KIF5B: variants seen among roughly 807,000 people sequenced by gnomAD.
The protein encoded by KIF5B is kinesin family member 5B, also known as kinesin-1 heavy chain.
KIF5B carries 49 observed loss-of-function variants against 132.8 expected under a neutral mutation model. That is an observed-to-expected ratio of 0.37 (90% confidence interval 0.29 to 0.47). The LOEUF (loss-of-function observed/expected upper bound fraction) is 0.47. KIF5B is among the 20% of genes least tolerant of loss of function. The probability of loss-of-function intolerance (pLI) is 1.00; values close to 1 mark genes in which losing one functional copy is unlikely to be tolerated. For synonymous variants in KIF5B, 355 were observed against 369.4 expected (o/e 0.96, Z 0.45); for missense variants, 780 against 1,144.0 (o/e 0.68, Z 4.59).
At chr10:32,048,621 CCAT>C in intron 1 of KIF5B, 70 bp from the exon 2 acceptor site, 2 of 1,053,414 alleles carry the variant, frequency 1.9e-6, no homozygotes, top group Non-Finnish European at 2.9e-6. Flanking sequence ...TTTACAGATG[CCAT>C]CATATAATAT....
At chr10:32,013,048 T>C (rs893894350) in intron 25 of KIF5B, among the ~76,000 whole-genome samples, 4 of 151,936 alleles carry the variant, frequency 2.6e-5, no homozygotes, top group African/African-American at 9.7e-5. Context: ...ATTACAGGCA[T>C]GTGCCACCAC....
intron 25 of KIF5B, among the ~76,000 whole-genome samples, chr10:32,012,632 G>A (rs541946024): frequency 1.3e-5 from 2 of 152,236 alleles, no homozygotes; most frequent in Admixed American, 1.3e-4. Flanking sequence ...ACCTAGTTTG[G>A]CTGGGTTAGC....
In KIF5B at chr10:32,024,534, C is replaced by G. The variant is rs556182958; in HGVS notation, c.1726-1498G>C. On this transcript the variant is annotated intron_variant, in intron 15 of 25. Transcript: ENST00000302418. ...ATCCCAGCAATTTGGGAGGCTGACG[C>G]GGGCAGATCACCTGAGGTCAGGAGT... Among the ~76,000 whole-genome samples, 32 of 151,526 alleles carry G rather than the reference C, an allele frequency of 2.1e-4. No homozygotes were observed. The East Asian group carries it at 6.2e-3, about 30-fold the overall frequency.
chr10:32,032,498 GA>G (rs1841414595), intron 13 of KIF5B, among the ~76,000 whole-genome samples: 2 of 151,772 alleles, frequency 1.3e-5, no homozygotes, highest in South Asian at 2.1e-4. Flanking sequence ...GAACCAGGGT[GA>G]AAAAAAAGAT....
intron 6 of KIF5B, 149 bp from the exon 7 acceptor site, chr10:32,037,756 C>G: frequency 3.2e-6 from 2 of 619,328 alleles, no homozygotes; most frequent in South Asian, 3.9e-5. Flanking sequence ...TCGCTTGAGC[C>G]TGGGAGGCAA....
chr10:32,053,421 TAAAA>T (rs34885039), intron 1 of KIF5B, among the ~76,000 whole-genome samples: 2 of 135,862 alleles, frequency 1.5e-5, no homozygotes, highest in Non-Finnish European at 1.6e-5. Flanking sequence ...GGTTACACGT[TAAAA>T]AAAAAAAAAA....
At chr10:32,022,365 T>TA in intron 16 of KIF5B, 108 bp from the exon 17 acceptor site, 1 of 620,418 alleles carries the variant, frequency 1.6e-6, no homozygotes, top group Admixed American at 2.8e-5. Flanking sequence ...TGGGAATATT[T>TA]AAAACTAAAA....
rs375558906 is a variant in KIF5B, at chr10:32,019,890, A to C, written c.2274T>G (p.Asp758Glu). 18 of 1,611,698 alleles carry C rather than the reference A, an allele frequency of 1.1e-5. No homozygotes were observed. In the African/African-American group the frequency reaches 2.0e-4, roughly 18 times the overall value. Residue 758 changes from aspartate (D) to glutamate (E), a missense_variant, in exon 20 of 26, where the codon GAT becomes GAG. Transcript: ENST00000302418. ...CATGTAGTTTTCTGCTCTTTTCCTG[A>C]TCTGTGGCTTTCAACTTCTCATGTT... ...RVEHEKLKATDQEKSRKLHEL... is the reference protein window; with the variant it reads ...RVEHEKLKATEQEKSRKLHEL...
chr10:32,017,560 T>C (rs1469702905), intron 23 of KIF5B, among the ~76,000 whole-genome samples: 5 of 152,218 alleles, frequency 3.3e-5, no homozygotes, highest in African/African-American at 4.8e-5. Flanking sequence ...AAAGGTATAA[T>C]TTCCTTTAAT....
chr10:32,036,942 G>A (rs569525875), intron 8 of KIF5B, among the ~76,000 whole-genome samples: 25 of 151,980 alleles, frequency 1.6e-4, no homozygotes, highest in African/African-American at 2.4e-4. Context: ...GATAAAATAC[G>A]TATCAAAAAT....
chr10:32,017,001 C>G, intron 24 of KIF5B, 142 bp downstream of exon 24: 1 of 717,174 alleles, frequency 1.4e-6, no homozygotes, highest in Non-Finnish European at 2.4e-6. Flanking sequence ...GATTATTCCT[C>G]TTTCCCAACA....
chr10:32,033,960 G>A lies in KIF5B; in HGVS notation c.1190C>T (p.Thr397Ile). 3.1e-6 allele frequency: 5 copies of A among 1,611,562 alleles called. No homozygotes were observed. Among genetic ancestry groups the A allele is most frequent in the South Asian group, 1.1e-5 (1 of 90,856 alleles). Reference protein sequence around the residue: ...LEAFTVDKDITLTNDKPATAI... With the variant: ...LEAFTVDKDIILTNDKPATAI... ...GGTTGCTGGTTTATCATTGGTAAGAGTAATATCTTTATCCACTGTGAAAGC... is the reference window on the plus strand; with the variant it reads ...GGTTGCTGGTTTATCATTGGTAAGAATAATATCTTTATCCACTGTGAAAGC... Residue 397 changes from threonine to isoleucine, a missense_variant, in exon 12 of 26, where the codon ACT becomes ATT. Thr to Ile is a moderately conservative substitution (Grantham distance 89). Coordinates refer to ENST00000302418, the MANE Select transcript of KIF5B (RefSeq NM_004521.3).
In KIF5B at chr10:32,035,653, A is replaced by G. The variant is rs749087068; in HGVS notation, c.831T>C (p.Tyr277=). Residue 277 remains tyrosine, a synonymous_variant, in exon 10 of 26, where the codon TAT becomes TAC. Coordinates refer to ENST00000302418, the MANE Select transcript of KIF5B (RefSeq NM_004521.3). Reference sequence around the variant, plus strand: ...GGATTCTTGTCATTTTACTATCTCGATATGGAACATATGTCTGCATACAAA... The same window carrying G: ...GGATTCTTGTCATTTTACTATCTCGGTATGGAACATATGTCTGCATACAAA... ...ALAEGSTYVP[Y]RDSKMTRILQ... 5 of 1,607,596 alleles carry G rather than the reference A, an allele frequency of 3.1e-6. No homozygotes were observed. The South Asian group carries it at 5.6e-5, about 18-fold the overall frequency.
chr10:32,018,616 T>A, intron 20 of KIF5B, 54 bp from the exon 21 acceptor site: 1 of 1,286,060 alleles, frequency 7.8e-7, no homozygotes, highest in Admixed American at 2.0e-5. Flanking sequence ...TATATTGTAC[T>A]TAGCATGAGA....
rs1841181883 is a variant in KIF5B, at chr10:32,017,131, T to C, written c.2761+12A>G. On this transcript the variant is annotated intron_variant, in intron 24 of 25. Transcript: ENST00000302418. ...TGAGCAAGGTTTAAAGGTTTTAATGTGTTCTACTAACCAATCTGTGCAGAA... is the reference window on the plus strand; with the variant it reads ...TGAGCAAGGTTTAAAGGTTTTAATGCGTTCTACTAACCAATCTGTGCAGAA... 6.2e-7 allele frequency: 1 copy of C among 1,603,742 alleles called. No homozygotes were observed. The highest frequency in any genetic ancestry group is 8.5e-7 in the Non-Finnish European group (1 of 1,170,538).
chr10:32,048,556 AAAAC>A lies in KIF5B; in HGVS notation c.127-9_127-6del. Reference sequence around the variant, plus strand: ...ATCAAATGCATAAGGCTTGGACTGAAAAACAAAAAAGTGTTTCAACTATACAAAT... The same window carrying A: ...ATCAAATGCATAAGGCTTGGACTGAAAAAAAAGTGTTTCAACTATACAAAT... On this transcript the variant is annotated splice_polypyrimidine_tract_variant and splice_region_variant and intron_variant, in intron 1 of 25. Coordinates refer to ENST00000302418, the MANE Select transcript of KIF5B (RefSeq NM_004521.3). 6.2e-7 allele frequency: 1 copy of A among 1,608,892 alleles called. No individual in the cohort carries two copies. Among genetic ancestry groups the A allele is most frequent in the Non-Finnish European group, 8.5e-7 (1 of 1,176,928 alleles).
chr10:32,048,695 TAGA>T, intron 1 of KIF5B, 144 bp from the exon 2 acceptor site: 1 of 567,510 alleles, frequency 1.8e-6, no homozygotes, highest in South Asian at 2.3e-5. Flanking sequence ...ATCTTTGAAG[TAGA>T]AGGGATCACC....
At chr10:32,036,098 A>G (rs1841457206) in intron 8 of KIF5B, 104 bp from the exon 9 acceptor site, 1 of 628,296 alleles carries the variant, frequency 1.6e-6, no homozygotes, top group African/African-American at 1.9e-5. Context: ...AAAAAAGAAA[A>G]AAGAACATGA....
chr10:32,032,716 T>G lies in KIF5B; in HGVS notation c.1364A>C (p.Asp455Ala), dbSNP rs1328708490. Residue 455 changes from aspartate to alanine, a missense_variant, in exon 13 of 26, where the codon GAT becomes GCT. Coordinates refer to ENST00000302418, the MANE Select transcript of KIF5B (RefSeq NM_004521.3). ...AGGTATTCAACTCACCTCCTCCTGA[T>G]CCAACATTTGCGTCTTCAGTTTCTC... ...LVEKLKTQML[D>A]QEELLASTRR... The G allele has an allele frequency of 6.2e-7, 1 of 1,613,616 alleles. No individual in the cohort carries two copies. The highest frequency in any genetic ancestry group is 8.5e-7 in the Non-Finnish European group (1 of 1,179,538).
Sources: allele counts gnomAD v4.1 joint callset (sites outside exome capture counted in the v4.1 genomes callset), GRCh38; gene constraint gnomAD v4.1.1; transcripts MANE v1.5; gene names NCBI Gene and HGNC (gene_info 2026-07-23, HGNC 2026-07-21).